The following MCPH1 variants were observed in gnomAD, a reference collection of about 807,000 sequenced individuals.
MCPH1 encodes the protein microcephalin.
MCPH1 carries 104 observed loss-of-function variants against 84.5 expected under a neutral mutation model. The ratio of observed to expected loss-of-function variants is 1.23; its 90% CI spans 1.05 to 1.45. The LOEUF is 1.45. MCPH1 is among the 40% of genes most tolerant of loss of function. The probability of loss-of-function intolerance (pLI) is 0.00; values close to 1 mark genes in which losing one functional copy is unlikely to be tolerated. For synonymous variants in MCPH1, 514 were observed against 366.8 expected (o/e 1.40, Z -4.58); for missense variants, 1,498 against 1,005.7 (o/e 1.49, Z -6.62).
chr8:6,623,255 A>T (rs747317844), intron 13 of MCPH1, among the ~76,000 whole-genome samples: 3 of 152,086 alleles, frequency 2.0e-5, no homozygotes, highest in Non-Finnish European at 4.4e-5. Flanking sequence ...AATTTTGGGC[A>T]GACACAATTC....
chr8:6,431,020 C>T (rs1801758063), intron 3 of MCPH1, among the ~76,000 whole-genome samples: 5 of 152,194 alleles, frequency 3.3e-5, no homozygotes, highest in African/African-American at 7.2e-5. Flanking sequence ...ATTGGTTGCA[C>T]ACCTGGGCCT....
At chr8:6,638,594 A>AT (rs1797721228) in intron 13 of MCPH1, among the ~76,000 whole-genome samples, 8 of 150,104 alleles carry the variant, frequency 5.3e-5, no homozygotes, top group African/African-American at 1.7e-4. Context: ...AAAAAAAAAA[A>AT]ATTTTTTTTT....
At chr8:6,430,846 ATAG>A (rs1372227480) in intron 3 of MCPH1, among the ~76,000 whole-genome samples, 12 of 152,242 alleles carry the variant, frequency 7.9e-5, no homozygotes, top group African/African-American at 2.9e-4. Context: ...GGAGAAACAA[ATAG>A]TAGGGCAGGA....
chr8:6,588,170 G>A (rs543833387), intron 12 of MCPH1, among the ~76,000 whole-genome samples: 53 of 152,244 alleles, frequency 3.5e-4, no homozygotes, highest in African/African-American at 1.3e-3. Flanking sequence ...ACTGGGGCCA[G>A]ATGGGACCAC....
chr8:6,528,617 G>C (rs1466018053), intron 12 of MCPH1, among the ~76,000 whole-genome samples: 3 of 152,240 alleles, frequency 2.0e-5, no homozygotes, highest in African/African-American at 7.2e-5. Context: ...CTACTGCGTG[G>C]CATGAGCAGT....
intron 3 of MCPH1, among the ~76,000 whole-genome samples, chr8:6,420,801 G>A (rs149562565): frequency 1.1e-4 from 17 of 152,124 alleles, no homozygotes; most frequent in Middle Eastern, 3.4e-3. Flanking sequence ...CCAAGTTACC[G>A]GCAGCAAACA....
chr8:6,545,481 A>T (rs879218788), intron 12 of MCPH1, among the ~76,000 whole-genome samples: 1 of 152,248 alleles, frequency 6.6e-6, no homozygotes, highest in Non-Finnish European at 1.5e-5. Context: ...AGGAGCACCT[A>T]AATAATGCCT....
chr8:6,473,040 GT>G (rs2129558765), intron 9 of MCPH1, among the ~76,000 whole-genome samples: 1 of 152,162 alleles, frequency 6.6e-6, no homozygotes, highest in South Asian at 2.1e-4. Flanking sequence ...ACCATAGAAG[GT>G]TATTCTCATA....
intron 12 of MCPH1, among the ~76,000 whole-genome samples, chr8:6,531,300 T>C (rs1819466493): frequency 6.6e-6 from 1 of 151,614 alleles, no homozygotes; most frequent in Non-Finnish European, 1.5e-5. Flanking sequence ...TTTCTTTTTT[T>C]TTTTTTGAGT....
At chr8:6,471,641 T>C (rs1317549944) in intron 9 of MCPH1, among the ~76,000 whole-genome samples, 1 of 152,222 alleles carries the variant, frequency 6.6e-6, no homozygotes, top group Admixed American at 6.5e-5. Context: ...TAGTCATTAA[T>C]TTTTGTTCCA....
chr8:6,521,287 T>C (rs1479039077), intron 12 of MCPH1: 2 of 1,613,802 alleles, frequency 1.2e-6, no homozygotes, highest in African/African-American at 1.3e-5. Context: ...TTTTTTTTTC[T>C]AGTTCTTCAA....
chr8:6,627,572 G>C (rs547276365), intron 13 of MCPH1, among the ~76,000 whole-genome samples: 1 of 152,160 alleles, frequency 6.6e-6, no homozygotes, highest in African/African-American at 2.4e-5. Flanking sequence ...TGGTAATGTC[G>C]ACATCTGAGA....
intron 9 of MCPH1, among the ~76,000 whole-genome samples, chr8:6,458,316 C>CA (rs1237746224): frequency 6.6e-6 from 1 of 151,738 alleles, no homozygotes; most frequent in South Asian, 2.1e-4. Context: ...ACTAGAAATA[C>CA]AAAAAATTAG....
intron 4 of MCPH1, among the ~76,000 whole-genome samples, chr8:6,434,571 C>A (rs1193289026): frequency 6.6e-6 from 1 of 152,238 alleles, no homozygotes; most frequent in Non-Finnish European, 1.5e-5. Context: ...TCCTTACCAG[C>A]ATACAAGCTC....
At chr8:6,482,761 G>T (rs150176108) in intron 11 of MCPH1, among the ~76,000 whole-genome samples, 2 of 152,288 alleles carry the variant, frequency 1.3e-5, no homozygotes, top group East Asian at 3.9e-4. Flanking sequence ...AGAACTGGGT[G>T]AAATTTTAGG....
chr8:6,532,912 C>T (rs1001562122), intron 12 of MCPH1, among the ~76,000 whole-genome samples: 6 of 152,198 alleles, frequency 3.9e-5, no homozygotes, highest in Admixed American at 6.5e-5. Context: ...CTATTTCTCT[C>T]ACATTCTAGA....
intron 12 of MCPH1, chr8:6,508,819 A>G: frequency 6.9e-7 from 1 of 1,441,474 alleles, no homozygotes. Context: ...GTGTCTACGT[A>G]TGAAATTGTG....
chr8:6,629,522 A>G (rs899466304), intron 13 of MCPH1, among the ~76,000 whole-genome samples: 1 of 152,178 alleles, frequency 6.6e-6, no homozygotes, highest in Non-Finnish European at 1.5e-5. Context: ...TTGCACAGAG[A>G]AGAGTCCAAG....
intron 12 of MCPH1, among the ~76,000 whole-genome samples, chr8:6,547,234 A>C (rs969662636): frequency 1.3e-5 from 2 of 152,118 alleles, no homozygotes; most frequent in Non-Finnish European, 2.9e-5. Context: ...ATTTACTTGC[A>C]TGCCACAGCA....
Sources: gnomAD v4.1 joint callset for allele counts (sites outside exome capture counted in the v4.1 genomes callset) on GRCh38, gnomAD v4.1.1 for gene constraint, MANE v1.5 for transcripts, NCBI Gene and HGNC (gene_info 2026-07-23, HGNC 2026-07-21) for gene names.